FLI1: variants seen among roughly 807,000 people sequenced by gnomAD.
FLI1 encodes Friend leukemia integration 1 transcription factor.
Under a neutral mutation model 53.1 loss-of-function variants are expected in FLI1, and 13 were observed. That is an observed-to-expected ratio of 0.24 (90% CI 0.16 to 0.39). The LOEUF is 0.39. Among genes scored for constraint, FLI1 ranks in the 10% least tolerant of loss-of-function variants. FLI1 has a pLI of 1.00. For missense variants in FLI1, 424 were observed against 600.5 expected, an observed-to-expected ratio of 0.71 and a Z score of 3.07; for synonymous variants, 244 against 236.7, an observed-to-expected ratio of 1.03 and a Z score of -0.28.
At chr11:128,766,471 G>T (rs1941343965) in intron 2 of FLI1, among the ~76,000 whole-genome samples, 1 of 152,042 alleles carries the variant, frequency 6.6e-6, no homozygotes. Context: ...AAGACATCAG[G>T]AAAAAATTAC....
At chr11:128,741,308 G>A (rs11821794) in intron 1 of FLI1, among the ~76,000 whole-genome samples, 2,817 of 152,260 alleles carry the variant, frequency 0.019, 90 homozygotes, top group African/African-American at 0.063. Context: ...CAGGAGAATC[G>A]CTTGAACCCG....
chr11:128,717,035 T>C (rs538238853), intron 1 of FLI1, among the ~76,000 whole-genome samples: 184 of 152,232 alleles, frequency 1.2e-3, no homozygotes, highest in Non-Finnish European at 1.9e-3. Context: ...GCATGCTGTG[T>C]AATTTTCCAA....
chr11:128,690,745 T>A (rs554738867), upstream of FLI1, among the ~76,000 whole-genome samples: 1 of 152,326 alleles, frequency 6.6e-6, no homozygotes, highest in East Asian at 1.9e-4. Context: ...TGGTGGGCTG[T>A]TTTGTTGTTG....
intron 1 of FLI1, among the ~76,000 whole-genome samples, chr11:128,736,741 A>G (rs560611326): frequency 5.3e-5 from 8 of 152,340 alleles, no homozygotes; most frequent in Non-Finnish European, 8.8e-5. Flanking sequence ...GCTGTTTTGT[A>G]TATGTGTGTA....
At chr11:128,704,219 C>T (rs576742092) in intron 1 of FLI1, among the ~76,000 whole-genome samples, 41 of 152,254 alleles carry the variant, frequency 2.7e-4, no homozygotes, top group African/African-American at 7.2e-4. Flanking sequence ...TAGAACCTCA[C>T]GTAGATGTTC....
chr11:128,782,061 G>C, intron 5 of FLI1, 38 bp downstream of exon 5: 1 of 1,520,128 alleles, frequency 6.6e-7, no homozygotes. Flanking sequence ...ATTTTCTTCT[G>C]TACCAGACAT....
chr11:128,770,087 G>A (rs1022853574), intron 3 of FLI1, among the ~76,000 whole-genome samples: 6 of 152,314 alleles, frequency 3.9e-5, no homozygotes, highest in East Asian at 3.9e-4. Flanking sequence ...CATTTTGGTC[G>A]TCATTTTGGG....
In FLI1 at chr11:128,794,100, C is replaced by T. The variant is rs190140512; in HGVS notation, c.656-11266C>T. Among the ~76,000 whole-genome samples the T allele has an allele frequency of 9.5e-4, 144 of 152,310 alleles. 2 individuals carry two copies. Among genetic ancestry groups the T allele is most frequent in the Middle Eastern group, 6.8e-3 (2 of 294 alleles). ...TAGGCCTGCCATCTCTACCAAGTTT[C>T]CCCTTGACACTACACGCTCATCCCA... On this transcript the variant is annotated intron_variant, in intron 5 of 8. Transcript: ENST00000527786.
chr11:128,754,811 G>A (rs1402269930), intron 1 of FLI1, among the ~76,000 whole-genome samples: 1 of 152,256 alleles, frequency 6.6e-6, no homozygotes, highest in Non-Finnish European at 1.5e-5. Context: ...GAAATGCCCA[G>A]ACTGGACAGA....
At chr11:128,726,542 C>G (rs993682751) in intron 1 of FLI1, among the ~76,000 whole-genome samples, 2 of 143,020 alleles carry the variant, frequency 1.4e-5, no homozygotes, top group Non-Finnish European at 3.1e-5. Flanking sequence ...TCCCACCCCC[C>G]TACCCCCACC....
chr11:128,706,968 T>G (rs1187485427), intron 1 of FLI1, among the ~76,000 whole-genome samples: 1 of 152,228 alleles, frequency 6.6e-6, no homozygotes, highest in Non-Finnish European at 1.5e-5. Flanking sequence ...TTCTCATTGT[T>G]ATCATGTCTA....
chr11:128,727,014 G>A (rs1274038008), intron 1 of FLI1, among the ~76,000 whole-genome samples: 3 of 152,112 alleles, frequency 2.0e-5, no homozygotes, highest in Non-Finnish European at 4.4e-5. Context: ...TGGTGGCCCT[G>A]GGAGCTGTGC....
chr11:128,689,999 G>C (rs1364805986), upstream of FLI1, among the ~76,000 whole-genome samples: 1 of 152,260 alleles, frequency 6.6e-6, no homozygotes, highest in Non-Finnish European at 1.5e-5. Flanking sequence ...TGAAGTCTGA[G>C]AAACAAATTC....
At chr11:128,770,791 A>C (rs769559273) in intron 3 of FLI1, among the ~76,000 whole-genome samples, 6 of 152,258 alleles carry the variant, frequency 3.9e-5, no homozygotes, top group Non-Finnish European at 8.8e-5. Context: ...AATTCTGAAA[A>C]GGTGCAAAAT....
At chr11:128,713,312 G>A (rs971414847) in intron 1 of FLI1, among the ~76,000 whole-genome samples, 2 of 152,180 alleles carry the variant, frequency 1.3e-5, no homozygotes, top group Non-Finnish European at 1.5e-5. Flanking sequence ...TGACAGTTCT[G>A]CAGCTCATGC....
At chr11:128,797,185 C>A (rs115788396) in intron 5 of FLI1, among the ~76,000 whole-genome samples, 1 of 152,234 alleles carries the variant, frequency 6.6e-6, no homozygotes, top group Non-Finnish European at 1.5e-5. Context: ...AGACCACAGA[C>A]TTGACAATCA....
At chr11:128,698,630 A>C (rs550004976) in intron 1 of FLI1, among the ~76,000 whole-genome samples, 2 of 152,132 alleles carry the variant, frequency 1.3e-5, no homozygotes, top group African/African-American at 4.8e-5. Flanking sequence ...TGTTCTTTCC[A>C]CTATACCATG....
intron 1 of FLI1, among the ~76,000 whole-genome samples, chr11:128,687,920 G>T (rs1399851319): frequency 6.6e-6 from 1 of 152,204 alleles, no homozygotes; most frequent in African/African-American, 2.4e-5. Context: ...GCAATAACCA[G>T]TGAATGGATG....
rs528418587 is a variant in FLI1, at chr11:128,766,298, C to T, written c.231-1820C>T. Among the ~76,000 whole-genome samples, 13 of 152,330 alleles carry T rather than the reference C, an allele frequency of 8.5e-5. No homozygotes were observed. In the East Asian group the frequency reaches 2.5e-3, roughly 29 times the overall value. On this transcript the variant is annotated intron_variant, in intron 2 of 8. Coordinates refer to ENST00000527786, the MANE Select transcript of FLI1 (RefSeq NM_002017.5). ...CCTGATGTGCTACTGCCTCCCCTCC[C>T]CTCCCCTGCCATGGGGACGTTAAAC...
Sources: gnomAD v4.1 joint callset for allele counts (sites outside exome capture counted in the v4.1 genomes callset) on GRCh38, gnomAD v4.1.1 for gene constraint, MANE v1.5 for transcripts, NCBI Gene and HGNC (gene_info 2026-07-23, HGNC 2026-07-21) for gene names.